THSD7A: variants seen among roughly 807,000 people sequenced by gnomAD.
The protein encoded by THSD7A is thrombospondin type-1 domain-containing protein 7A.
Under a neutral mutation model 231.3 loss-of-function variants are expected in THSD7A, and 96 were observed. That is an observed-to-expected ratio of 0.41 (90% confidence interval 0.35 to 0.49). The LOEUF is 0.49. Ranked by LOEUF, THSD7A falls within the 20% of genes least tolerant of loss-of-function variation. The pLI is 0.05. For synonymous variants in THSD7A, 940 were observed against 743.3 expected (o/e 1.26, Z -4.30); for missense variants, 2,290 against 2,070.2 (o/e 1.11, Z -2.06).
rs574378926 is a variant in THSD7A at position 11,429,714 on chromosome 7, T to A, written c.3065-589A>T. ...AGCATCTTCACATCTTATATCCATTTGATTCTCTTGAAAATCTTATGTATG... is the reference window on the plus strand; with the variant it reads ...AGCATCTTCACATCTTATATCCATTAGATTCTCTTGAAAATCTTATGTATG... On this transcript the variant is annotated intron_variant, in intron 13 of 27. Transcript: ENST00000423059. Among the ~76,000 whole-genome samples, 5 of 152,364 alleles carry A rather than the reference T, an allele frequency of 3.3e-5. No individual in the cohort carries two copies. In the East Asian group the frequency reaches 9.6e-4, roughly 29 times the overall value.
rs190056729 is a variant in THSD7A at position 11,472,244 on chromosome 7, T to C, written c.2252+2090A>G. On this transcript the variant is annotated intron_variant, in intron 8 of 27. Coordinates refer to ENST00000423059, the MANE Select transcript of THSD7A (RefSeq NM_015204.3). ...AGTGTTTGTGGTTTAAATCAAGAAA[T>C]TGATTTCCCCCCAAATCTTATTCAA... is the stretch of plus-strand genomic sequence containing the variant. Among the ~76,000 whole-genome samples the C allele has an allele frequency of 2.4e-4, 36 of 152,236 alleles. 1 individual carries two copies. In the East Asian group the frequency reaches 3.1e-3, roughly 13 times the overall value.
intron 1 of THSD7A, among the ~76,000 whole-genome samples, chr7:11,748,714 G>T (rs77677026): frequency 6.6e-6 from 1 of 151,702 alleles, no homozygotes; most frequent in African/African-American, 2.4e-5. Flanking sequence ...AAACCAAGAC[G>T]TGCTATTAAA....
intron 6 of THSD7A, among the ~76,000 whole-genome samples, chr7:11,523,470 G>T (rs11982706): frequency 0.25 from 37,274 of 151,808 alleles, 5,453 homozygotes; most frequent in African/African-American, 0.41. Flanking sequence ...ACTCTGGATG[G>T]AGAGATTATG....
intron 1 of THSD7A, among the ~76,000 whole-genome samples, chr7:11,749,307 T>G (rs900210454): frequency 1.3e-5 from 2 of 151,904 alleles, no homozygotes; most frequent in Non-Finnish European, 1.5e-5. Flanking sequence ...TCAAATGCCT[T>G]GTACATAAGC....
At chr7:11,623,395 G>A (rs1403886074) in intron 2 of THSD7A, among the ~76,000 whole-genome samples, 3 of 152,006 alleles carry the variant, frequency 2.0e-5, no homozygotes, top group Non-Finnish European at 4.4e-5. Flanking sequence ...AGCATCTCTT[G>A]CGTCTTACCC....
chr7:11,561,510 A>T (rs1790075085), intron 4 of THSD7A, among the ~76,000 whole-genome samples: 2 of 152,198 alleles, frequency 1.3e-5, no homozygotes, highest in Non-Finnish European at 2.9e-5. Context: ...GGCATTTACT[A>T]AAGAAATTAT....
At chr7:11,771,056 T>A (rs1783211194) in intron 1 of THSD7A, among the ~76,000 whole-genome samples, 1 of 151,124 alleles carries the variant, frequency 6.6e-6, no homozygotes, top group Non-Finnish European at 1.5e-5. Context: ...TTTAAAAATT[T>A]TTTTCTCATA....
intron 9 of THSD7A, among the ~76,000 whole-genome samples, chr7:11,463,763 C>G (rs1050469048): frequency 1.3e-5 from 2 of 152,138 alleles, no homozygotes; most frequent in East Asian, 1.9e-4. Context: ...CCAGCTGCAA[C>G]TTTTACATGT....
intron 6 of THSD7A, among the ~76,000 whole-genome samples, chr7:11,497,671 G>C (rs2128309059): frequency 6.6e-6 from 1 of 152,296 alleles, no homozygotes; most frequent in African/African-American, 2.4e-5. Context: ...AGCCAAGATA[G>C]CCGACTAGAA....
At chr7:11,804,977 A>G (rs1256759368) in intron 1 of THSD7A, among the ~76,000 whole-genome samples, 1 of 151,990 alleles carries the variant, frequency 6.6e-6, no homozygotes, top group East Asian at 1.9e-4. Context: ...CATATTTTCT[A>G]CCAATTCTGA....
At chr7:11,642,849 G>A (rs139514305) in intron 1 of THSD7A, among the ~76,000 whole-genome samples, 1,701 of 151,946 alleles carry the variant, frequency 0.011, 12 homozygotes, top group South Asian at 0.02. Flanking sequence ...TCTTGATATC[G>A]TTCAAAACTG....
intron 1 of THSD7A, among the ~76,000 whole-genome samples, chr7:11,686,284 G>C (rs927027358): frequency 6.6e-6 from 1 of 151,648 alleles, no homozygotes; most frequent in African/African-American, 2.4e-5. Context: ...CAAACCTCCT[G>C]CACCACATAA....
At chr7:11,721,274 A>C (rs144301266) in intron 1 of THSD7A, among the ~76,000 whole-genome samples, 9 of 151,804 alleles carry the variant, frequency 5.9e-5, no homozygotes, top group Admixed American at 6.6e-5. Context: ...TGTAATCCCC[A>C]ATGTTGGAGG....
intron 2 of THSD7A, among the ~76,000 whole-genome samples, chr7:11,633,484 G>C (rs1781726879): frequency 6.6e-6 from 1 of 152,162 alleles, no homozygotes; most frequent in South Asian, 2.1e-4. Flanking sequence ...CATTGACACA[G>C]ACCATGTCAT....
At chr7:11,582,926 T>TG (rs1246458863) in intron 4 of THSD7A, among the ~76,000 whole-genome samples, 1 of 137,876 alleles carries the variant, frequency 7.3e-6, no homozygotes, top group African/African-American at 2.9e-5. Context: ...TGTATATCTG[T>TG]GTTTTTTTTT....
chr7:11,790,368 A>T (rs551193350), intron 1 of THSD7A, among the ~76,000 whole-genome samples: 2 of 152,008 alleles, frequency 1.3e-5, no homozygotes, highest in South Asian at 2.1e-4. Flanking sequence ...TTGTAGAGAG[A>T]TTTGCTGTGG....
intron 1 of THSD7A, among the ~76,000 whole-genome samples, chr7:11,723,858 C>T (rs1315172564): frequency 1.3e-5 from 2 of 151,774 alleles, no homozygotes; most frequent in Admixed American, 1.3e-4. Flanking sequence ...AGTAACTGGG[C>T]CAGACCATAT....
At chr7:11,604,552 T>TC (rs1780673813) in intron 2 of THSD7A, among the ~76,000 whole-genome samples, 1 of 152,128 alleles carries the variant, frequency 6.6e-6, no homozygotes, top group African/African-American at 2.4e-5. Flanking sequence ...TTTCTTTTTT[T>TC]CCCAGATTTA....
intron 24 of THSD7A, among the ~76,000 whole-genome samples, chr7:11,381,564 GT>G (rs1180314818): frequency 6.6e-6 from 1 of 152,112 alleles, no homozygotes; most frequent in Non-Finnish European, 1.5e-5. Context: ...AATGCACACT[GT>G]TTTTTCCCCC....
Sources: allele counts gnomAD v4.1 joint callset (sites outside exome capture counted in the v4.1 genomes callset), GRCh38; gene constraint gnomAD v4.1.1; transcripts MANE v1.5; gene names NCBI Gene and HGNC (gene_info 2026-07-23, HGNC 2026-07-21).